Variants in HPSE observed in about 807,000 individuals in gnomAD.
HPSE encodes the protein endo-glucoronidase.
A neutral mutation model predicts 65.1 loss-of-function variants in HPSE; 48 were observed. That is an observed-to-expected ratio of 0.74 (90% CI 0.58 to 0.94). The LOEUF (loss-of-function observed/expected upper bound fraction) is 0.94. HPSE is among the 40% of genes least tolerant of loss of function. The pLI is 0.00. For synonymous variants in HPSE, 243 were observed against 260.0 expected (o/e 0.93, Z 0.63); for missense variants, 644 against 637.5 (o/e 1.01, Z -0.11).
At chr4:83,311,813 GGAA>G (rs1345823523) in intron 4 of HPSE, among the ~76,000 whole-genome samples, 171 of 150,914 alleles carry the variant, frequency 1.1e-3, no homozygotes, top group Non-Finnish European at 1.6e-3. Flanking sequence ...AGTTTGAGCA[GGAA>G]GAAGACTTGT....
chr4:83,316,889 TG>T (rs1736671561), intron 3 of HPSE, among the ~76,000 whole-genome samples: 1 of 151,970 alleles, frequency 6.6e-6, no homozygotes, highest in Non-Finnish European at 1.5e-5. Context: ...TGTTGTTTTT[TG>T]TTTGTTTGTT....
chr4:83,334,732 G>GAGCAGCAGCATCAGCGGC lies in HPSE; in HGVS notation c.33_50dup (p.Pro12_Leu17dup). On this transcript the variant is annotated inframe_insertion, in exon 1 of 12. Transcript: ENST00000311412. ...GGGAGAGGGGACCCAGCGGCCCCAG[G>GAGCAGCAGCATCAGCGGC]AGCAGCAGCATCAGCGGCGGCGGCA... 2 of 1,561,510 alleles carry GAGCAGCAGCATCAGCGGC rather than the reference G, an allele frequency of 1.3e-6. No homozygotes were observed. The highest frequency in any genetic ancestry group is 1.7e-6 in the Non-Finnish European group (2 of 1,152,772).
At position 83,326,858 on chromosome 4, in the gene HPSE, A is replaced by G. The variant is rs1309449912; in HGVS notation, c.228-4494T>C. 6.6e-6 allele frequency among the ~76,000 whole-genome samples: 1 copy of G among 152,076 alleles called. No homozygotes were observed. Among genetic ancestry groups the G allele is most frequent in the Non-Finnish European group, 1.5e-5 (1 of 68,010 alleles). ...GTAAGCAGTCGCGGCTGGGCAAGAGACTGGGAAGTGGGAGGAAACGAGCAC... is the reference window on the plus strand; with the variant it reads ...GTAAGCAGTCGCGGCTGGGCAAGAGGCTGGGAAGTGGGAGGAAACGAGCAC... On this transcript the variant is annotated intron_variant, in intron 1 of 11. Coordinates refer to ENST00000311412, the MANE Select transcript of HPSE (RefSeq NM_001098540.3). This position sits in a 1 kb window ranked among gnomAD's most constrained non-coding sequence, Gnocchi z 4.2.
At chr4:83,331,584 C>A (rs553479456) in intron 1 of HPSE, among the ~76,000 whole-genome samples, 1 of 152,114 alleles carries the variant, frequency 6.6e-6, no homozygotes. Flanking sequence ...TCTGGGAAGA[C>A]GACAAATTGA....
At chr4:83,331,223 G>T (rs1022406819) in intron 1 of HPSE, among the ~76,000 whole-genome samples, 2 of 151,898 alleles carry the variant, frequency 1.3e-5, no homozygotes, top group Non-Finnish European at 1.5e-5. Context: ...AAGAAAGAAA[G>T]AAATATAGTC....
At position 83,313,190 on chromosome 4, in the gene HPSE, C is replaced by T. The variant is rs765679564; in HGVS notation, c.597G>A (p.Trp199Ter). 6.2e-7 allele frequency: 1 copy of T among 1,613,914 alleles called. No individual in the cohort carries two copies. The highest frequency in any genetic ancestry group is 1.1e-5 in the South Asian group (1 of 91,082). ...GGAGCAACTGAGCATTAGAACTGTT[C>T]CACTGCAAATCTGCTGTTCTTAATA... ...NALLRTADLQ[W>*]NSSNAQLLLD... Residue 199 changes from tryptophan to a stop codon, truncating the protein, a stop_gained, in exon 4 of 12, where the codon TGG becomes TGA. Transcript: ENST00000311412. LOFTEE classifies it high-confidence loss of function.
chr4:83,305,920 T>C (rs1411442816), intron 9 of HPSE, among the ~76,000 whole-genome samples: 1 of 152,244 alleles, frequency 6.6e-6, no homozygotes, highest in East Asian at 1.9e-4. Flanking sequence ...TTATTTTGTC[T>C]TGTATAATGA....
rs1458944575 is a variant in HPSE, at chr4:83,308,962, G to C, written c.985-11C>G. On this transcript the variant is annotated splice_polypyrimidine_tract_variant and intron_variant, in intron 7 of 11. Coordinates refer to ENST00000311412, the MANE Select transcript of HPSE (RefSeq NM_001098540.3). Reference sequence around the variant, plus strand: ...GGTGCTCTCAACCACCTATAGAACAGAAAAGTATCCATGGTAATTGCAAAA... The same window carrying C: ...GGTGCTCTCAACCACCTATAGAACACAAAAGTATCCATGGTAATTGCAAAA... 8 of 1,609,464 alleles carry C rather than the reference G, an allele frequency of 5.0e-6. No homozygotes were observed. The highest frequency in any genetic ancestry group is 6.8e-6 in the Non-Finnish European group (8 of 1,176,196).
intron 10 of HPSE, among the ~76,000 whole-genome samples, chr4:83,301,745 CA>C (rs1735956285): frequency 6.6e-6 from 1 of 152,104 alleles, no homozygotes; most frequent in Non-Finnish European, 1.5e-5. Context: ...GATTTAGGAA[CA>C]TTTTTTGCTA....
At chr4:83,330,724 A>G (rs1476342581) in intron 1 of HPSE, among the ~76,000 whole-genome samples, 2 of 152,230 alleles carry the variant, frequency 1.3e-5, no homozygotes, top group Non-Finnish European at 2.9e-5. Flanking sequence ...TTGCATTATC[A>G]CTGAGATTGC....
chr4:83,296,653 A>G (rs1735733227), intron 11 of HPSE, among the ~76,000 whole-genome samples: 1 of 151,522 alleles, frequency 6.6e-6, no homozygotes, highest in African/African-American at 2.4e-5. Flanking sequence ...CCAGCCTGGT[A>G]GAGCAAGATT....
intron 5 of HPSE, 67 bp from the exon 6 acceptor site, chr4:83,310,145 G>A (rs949083145): frequency 1.9e-6 from 2 of 1,062,996 alleles, no homozygotes; most frequent in African/African-American, 1.6e-5. Context: ...ACGCATGAGA[G>A]TTTTATTCCC....
intron 1 of HPSE, among the ~76,000 whole-genome samples, chr4:83,328,195 CA>C (rs1202931220): frequency 6.6e-6 from 1 of 152,202 alleles, no homozygotes; most frequent in African/African-American, 2.4e-5. Flanking sequence ...TATTGTCTTA[CA>C]GTTTTGAAAA....
chr4:83,322,846 TGG>T, intron 1 of HPSE, among the ~76,000 whole-genome samples: 1 of 143,332 alleles, frequency 7.0e-6, no homozygotes, highest in African/African-American at 2.7e-5. Flanking sequence ...TGTTTGTGTG[TGG>T]AGGGATGGGG....
chr4:83,323,342 C>G (rs148586023), intron 1 of HPSE, among the ~76,000 whole-genome samples: 1 of 152,214 alleles, frequency 6.6e-6, no homozygotes, highest in African/African-American at 2.4e-5. Context: ...AATGATGTGT[C>G]AGTGTAGGTT....
intron 1 of HPSE, among the ~76,000 whole-genome samples, chr4:83,328,822 G>A (rs1737250121): frequency 6.6e-6 from 1 of 152,076 alleles, no homozygotes; most frequent in East Asian, 1.9e-4. Flanking sequence ...ATACAGGAGA[G>A]GGAAGAGGTG....
chr4:83,321,987 C>CTTT (rs36002405), intron 2 of HPSE, among the ~76,000 whole-genome samples: 38,008 of 91,674 alleles, frequency 0.41, 10,227 homozygotes, highest in East Asian at 0.54. Flanking sequence ...TCCAGGACGC[C>CTTT]TTTTTTTTTT....
intron 1 of HPSE, among the ~76,000 whole-genome samples, chr4:83,332,605 A>G (rs541898550): frequency 6.6e-6 from 1 of 152,252 alleles, no homozygotes; most frequent in Admixed American, 6.5e-5. Flanking sequence ...AGGGGAAAAA[A>G]GGGTGCTCTG....
chr4:83,329,132 G>C (rs1737264745), intron 1 of HPSE, among the ~76,000 whole-genome samples: 1 of 152,120 alleles, frequency 6.6e-6, no homozygotes, highest in Non-Finnish European at 1.5e-5. Context: ...GGGAAGTCTG[G>C]AAGCTAAAAA....
Sources: allele counts gnomAD v4.1 joint callset (sites outside exome capture counted in the v4.1 genomes callset), GRCh38; gene constraint gnomAD v4.1.1; non-coding constraint Gnocchi (gnomAD v3.1); transcripts MANE v1.5; gene names NCBI Gene and HGNC (gene_info 2026-07-23, HGNC 2026-07-21).